Variants in ZBTB20 observed in about 807,000 individuals in gnomAD.
ZBTB20 encodes the protein zinc finger and BTB domain-containing protein 20.
A neutral mutation model predicts 56.9 loss-of-function variants in ZBTB20; 9 were observed. The ratio of observed to expected loss-of-function variants is 0.16; its 90% confidence interval spans 0.10 to 0.28. ZBTB20 has a LOEUF of 0.28. Ranked by LOEUF, ZBTB20 falls within the 10% of genes least tolerant of loss-of-function variation. ZBTB20 has a pLI of 1.00. For missense variants in ZBTB20, 655 were observed against 1,003.0 expected (o/e 0.65, Z 4.69); for synonymous variants, 417 against 420.7 (o/e 0.99, Z 0.11).
chr3:114,955,538 G>A (rs2077216482), intron 3 of ZBTB20, among the ~76,000 whole-genome samples: 1 of 152,092 alleles, frequency 6.6e-6, no homozygotes, highest in African/African-American at 2.4e-5. Flanking sequence ...TTTTCACACT[G>A]CCCAACTGAA....
At chr3:115,124,285 G>T (rs1405969344) in intron 1 of ZBTB20, among the ~76,000 whole-genome samples, 1 of 152,104 alleles carries the variant, frequency 6.6e-6, no homozygotes, top group Non-Finnish European at 1.5e-5. Context: ...TATTCCAATT[G>T]AATTAGTTTG....
chr3:114,861,826 A>C (rs2075547822), intron 4 of ZBTB20: 1 of 152,164 alleles, frequency 6.6e-6, no homozygotes, highest in Non-Finnish European at 1.5e-5. Flanking sequence ...AGAGAAGCAA[A>C]AATCAGAAGA....
chr3:114,423,794 G>A (rs1305311939), intron 7 of ZBTB20, among the ~76,000 whole-genome samples: 1 of 152,192 alleles, frequency 6.6e-6, no homozygotes, highest in African/African-American at 2.4e-5. Context: ...TAGAGGGCAG[G>A]ACAGGTGAAC....
At chr3:115,049,662 T>C (rs1322273943) in intron 2 of ZBTB20, among the ~76,000 whole-genome samples, 1 of 152,126 alleles carries the variant, frequency 6.6e-6, no homozygotes, top group African/African-American at 2.4e-5. Flanking sequence ...TTACTTCAGA[T>C]TTTCAGATTA....
chr3:115,003,733 C>A (rs568904582), intron 2 of ZBTB20, among the ~76,000 whole-genome samples: 2 of 151,606 alleles, frequency 1.3e-5, no homozygotes, highest in South Asian at 4.1e-4. Flanking sequence ...TTGCAAGTGT[C>A]AGGTGACAGG....
intron 4 of ZBTB20, among the ~76,000 whole-genome samples, chr3:114,850,005 T>G (rs548065569): frequency 7.3e-5 from 11 of 150,974 alleles, no homozygotes; most frequent in Non-Finnish European, 1.2e-4. Context: ...ATTCAAGCTG[T>G]TTTCCTGCCT....
intron 2 of ZBTB20, among the ~76,000 whole-genome samples, chr3:115,062,854 G>A (rs1326452655): frequency 6.6e-6 from 1 of 152,048 alleles, no homozygotes; most frequent in Non-Finnish European, 1.5e-5. Flanking sequence ...AAGTTTTTGA[G>A]GGAAAAATAT....
intron 1 of ZBTB20, among the ~76,000 whole-genome samples, chr3:115,143,464 T>TA (rs1401754811): frequency 4.6e-5 from 7 of 152,026 alleles, no homozygotes; most frequent in Admixed American, 4.6e-4. Context: ...GCCCAGGAGT[T>TA]AAAGTACAGC....
At chr3:114,602,154 T>C (rs1577886152) in intron 6 of ZBTB20, among the ~76,000 whole-genome samples, 1 of 151,994 alleles carries the variant, frequency 6.6e-6, no homozygotes, top group African/African-American at 2.4e-5. Context: ...TAGTTCCTAA[T>C]CACACTAGCA....
At chr3:114,501,812 G>A (rs2044022274) in intron 6 of ZBTB20, among the ~76,000 whole-genome samples, 1 of 148,522 alleles carries the variant, frequency 6.7e-6, no homozygotes, top group Non-Finnish European at 1.5e-5. Context: ...GAGTTTAAGC[G>A]ATTCTCCTGC....
At chr3:114,763,716 G>A (rs1226085075) in intron 5 of ZBTB20, among the ~76,000 whole-genome samples, 4 of 151,974 alleles carry the variant, frequency 2.6e-5, no homozygotes, top group Admixed American at 6.6e-5. Context: ...TCAACAAAAT[G>A]TCATACATGC....
chr3:114,399,227 T>C (rs1326328655), intron 7 of ZBTB20, among the ~76,000 whole-genome samples: 2 of 152,144 alleles, frequency 1.3e-5, no homozygotes, highest in Admixed American at 1.3e-4. Context: ...AGCAATTTCA[T>C]ATTTTAGCAG....
At chr3:114,501,710 CTT>C (rs1375467962) in intron 6 of ZBTB20, among the ~76,000 whole-genome samples, 2 of 111,850 alleles carry the variant, frequency 1.8e-5, no homozygotes, top group Non-Finnish European at 3.8e-5. Flanking sequence ...TTTTTTCTTT[CTT>C]TTTTTTTTTT....
chr3:114,407,149 A>G (rs1362239722), intron 7 of ZBTB20, among the ~76,000 whole-genome samples: 1 of 152,198 alleles, frequency 6.6e-6, no homozygotes, highest in Non-Finnish European at 1.5e-5. Flanking sequence ...TCGCCTCTAA[A>G]TCCTCTCTGC....
chr3:114,952,755 A>G (rs895746884), intron 3 of ZBTB20, among the ~76,000 whole-genome samples: 7 of 151,996 alleles, frequency 4.6e-5, no homozygotes, highest in African/African-American at 1.7e-4. Flanking sequence ...TGAAAACCTG[A>G]AGGAAATGGC....
At chr3:114,359,280 G>A (rs2081562510) in intron 10 of ZBTB20, 1 of 152,054 alleles carries the variant, frequency 6.6e-6, no homozygotes, top group African/African-American at 2.4e-5. Context: ...CACACTATAT[G>A]CTTTATGAAT....
At position 114,487,850 on chromosome 3, in the gene ZBTB20, G is replaced by A. The variant is rs555026637; in HGVS notation, c.-255+12502C>T. The stretch of plus-strand genomic sequence containing the variant: ...GAATCAGAGAGCGGGGAAAGATGGA[G>A]GACGTTGATGACATGGCCTCTAGCA... On this transcript the variant is annotated intron_variant, in intron 7 of 11. Coordinates refer to ENST00000675478, the MANE Select transcript of ZBTB20 (RefSeq NM_001348800.3). Among the ~76,000 whole-genome samples the A allele has an allele frequency of 4.6e-5, 7 of 152,332 alleles. No homozygotes were observed. The South Asian group carries it at 1.5e-3, about 32-fold the overall frequency.
chr3:114,460,979 A>G (rs2092303230), intron 7 of ZBTB20, among the ~76,000 whole-genome samples: 1 of 152,208 alleles, frequency 6.6e-6, no homozygotes, highest in Non-Finnish European at 1.5e-5. Context: ...AAAGCAATCA[A>G]TCTAATGATT....
chr3:114,470,029 G>T (rs1327621220), intron 7 of ZBTB20, among the ~76,000 whole-genome samples: 2 of 152,040 alleles, frequency 1.3e-5, no homozygotes, highest in South Asian at 2.1e-4. Context: ...TATCTAAAAT[G>T]CTCAAGATTT....
Sources: gnomAD v4.1 joint callset for allele counts (sites outside exome capture counted in the v4.1 genomes callset) on GRCh38, gnomAD v4.1.1 for gene constraint, MANE v1.5 for transcripts, NCBI Gene and HGNC (gene_info 2026-07-23, HGNC 2026-07-21) for gene names.